Variants in NPAS3 observed in about 807,000 individuals in gnomAD.
NPAS3 encodes the protein neuronal PAS domain protein 3, also known as neuronal PAS domain-containing protein 3.
NPAS3 carries 14 observed loss-of-function variants against 73.1 expected under a neutral mutation model. The observed-to-expected ratio is 0.19, with a 90% CI of 0.13 to 0.30. The LOEUF (loss-of-function observed/expected upper bound fraction) is 0.30, where lower values mean the gene tolerates loss of function less well. Ranked by LOEUF, NPAS3 falls within the 10% of genes least tolerant of loss-of-function variation. The pLI, the probability that NPAS3 is intolerant of heterozygous loss-of-function variation, is 1.00. For missense variants in NPAS3, 1,096 were observed against 1,250.0 expected (o/e 0.88, Z 1.86); for synonymous variants, 620 against 541.5 (o/e 1.14, Z -2.01).
intron 4 of NPAS3, among the ~76,000 whole-genome samples, chr14:33,446,842 A>T: frequency 6.6e-6 from 1 of 152,382 alleles, no homozygotes; most frequent in East Asian, 1.9e-4. Context: ...AAATGAGATA[A>T]TATTTTCTAT....
intron 4 of NPAS3, among the ~76,000 whole-genome samples, chr14:33,425,087 C>G (rs919600607): frequency 7.2e-5 from 11 of 151,884 alleles, no homozygotes; most frequent in Non-Finnish European, 8.8e-5. Context: ...GAAAAACAGA[C>G]AATAAACAGC....
intron 2 of NPAS3, among the ~76,000 whole-genome samples, chr14:33,135,695 C>T (rs112024114): frequency 0.013 from 1,950 of 152,190 alleles, 39 homozygotes; most frequent in African/African-American, 0.041. Context: ...CAATTTCCCT[C>T]TTGACTCTTT....
At chr14:33,298,493 A>G (rs914412168) in intron 3 of NPAS3, among the ~76,000 whole-genome samples, 1 of 152,186 alleles carries the variant, frequency 6.6e-6, no homozygotes, top group African/African-American at 2.4e-5. Flanking sequence ...AAGTCTGATC[A>G]TCTTTGGAAA....
At chr14:33,291,817 G>A (rs551314559) in intron 3 of NPAS3, among the ~76,000 whole-genome samples, 60 of 152,294 alleles carry the variant, frequency 3.9e-4, no homozygotes, top group African/African-American at 9.9e-4. Flanking sequence ...CACTCAGAAG[G>A]TATTACGGAA....
chr14:33,198,255 G>A (rs1288622598), intron 2 of NPAS3, among the ~76,000 whole-genome samples: 2 of 151,948 alleles, frequency 1.3e-5, no homozygotes, highest in Admixed American at 6.6e-5. Context: ...GGGGACCCAA[G>A]CAGTTTGCCC....
intron 3 of NPAS3, among the ~76,000 whole-genome samples, chr14:33,279,541 T>A (rs2041496187): frequency 6.6e-6 from 1 of 152,176 alleles, no homozygotes; most frequent in South Asian, 2.1e-4. Flanking sequence ...TGAATCAACC[T>A]CATTGATGTT....
chr14:33,705,793 A>G (rs1435934741), intron 6 of NPAS3, among the ~76,000 whole-genome samples: 1 of 152,260 alleles, frequency 6.6e-6, no homozygotes, highest in Non-Finnish European at 1.5e-5. Context: ...CAAATCCACA[A>G]GAACAATTTT....
chr14:33,289,107 TTAAG>T (rs374285782), intron 3 of NPAS3, among the ~76,000 whole-genome samples: 140 of 152,316 alleles, frequency 9.2e-4, no homozygotes, highest in African/African-American at 2.9e-3. Flanking sequence ...AGTACTGTGA[TTAAG>T]TGTTTCACAC....
At chr14:33,399,916 G>A (rs998350445) in intron 4 of NPAS3, among the ~76,000 whole-genome samples, 1 of 151,964 alleles carries the variant, frequency 6.6e-6, no homozygotes. Flanking sequence ...CTTTAACTCT[G>A]TACTTCGGTT....
chr14:32,970,096 A>T (rs2037355512), intron 1 of NPAS3, among the ~76,000 whole-genome samples: 1 of 152,202 alleles, frequency 6.6e-6, no homozygotes, highest in African/African-American at 2.4e-5. Flanking sequence ...AAGGAAAATG[A>T]TTTTATAAAC....
intron 9 of NPAS3, among the ~76,000 whole-genome samples, chr14:33,790,423 A>T (rs1313762729): frequency 1.3e-5 from 2 of 152,192 alleles, no homozygotes; most frequent in East Asian, 3.8e-4. Flanking sequence ...ACACACTAAA[A>T]ATCCTTTCAA....
chr14:33,368,493 C>T (rs1489316147), intron 4 of NPAS3, among the ~76,000 whole-genome samples: 1 of 152,076 alleles, frequency 6.6e-6, no homozygotes, highest in Non-Finnish European at 1.5e-5. Flanking sequence ...TGGTTTTTAA[C>T]AGTCTCCTGA....
chr14:33,782,814 GTT>G (rs57849305), intron 9 of NPAS3, among the ~76,000 whole-genome samples: 2 of 149,494 alleles, frequency 1.3e-5, no homozygotes, highest in African/African-American at 4.9e-5. Flanking sequence ...CTTGGGGGTT[GTT>G]TTTTTTTAAA....
At chr14:33,753,364 A>G (rs1281135932) in intron 7 of NPAS3, among the ~76,000 whole-genome samples, 1 of 152,076 alleles carries the variant, frequency 6.6e-6, no homozygotes, top group Non-Finnish European at 1.5e-5. Flanking sequence ...TTGATAAAAA[A>G]AAAAAAAAAC....
intron 8 of NPAS3, among the ~76,000 whole-genome samples, chr14:33,774,795 C>T (rs543372549): frequency 1.3e-5 from 2 of 152,130 alleles, no homozygotes; most frequent in African/African-American, 4.8e-5. Flanking sequence ...TGGCTGAGAA[C>T]CCAAGGAGAG....
chr14:33,718,721 C>G (rs542593111), intron 6 of NPAS3, among the ~76,000 whole-genome samples: 1 of 152,296 alleles, frequency 6.6e-6, no homozygotes, highest in Admixed American at 6.5e-5. Context: ...TTTACCTCCA[C>G]GTGGATTTAT....
At chr14:33,514,216 G>A (rs974400018) in intron 4 of NPAS3, among the ~76,000 whole-genome samples, 1 of 152,004 alleles carries the variant, frequency 6.6e-6, no homozygotes, top group Non-Finnish European at 1.5e-5. Flanking sequence ...GTGTGCAGAG[G>A]CAACCCATGG....
At chr14:33,605,358 A>C (rs1307666422) in intron 5 of NPAS3, among the ~76,000 whole-genome samples, 1 of 151,342 alleles carries the variant, frequency 6.6e-6, no homozygotes, top group Non-Finnish European at 1.5e-5. Flanking sequence ...AGCCAGTGCA[A>C]TAAAGCAAGG....
chr14:33,709,543 A>C (rs2060758607), intron 6 of NPAS3, among the ~76,000 whole-genome samples: 1 of 152,194 alleles, frequency 6.6e-6, no homozygotes, highest in Admixed American at 6.5e-5. Context: ...GCACAAGGAA[A>C]GTTTGGGGAG....
Sources: gnomAD v4.1 joint callset for allele counts (sites outside exome capture counted in the v4.1 genomes callset) on GRCh38, gnomAD v4.1.1 for gene constraint, MANE v1.5 for transcripts, NCBI Gene and HGNC (gene_info 2026-07-23, HGNC 2026-07-21) for gene names.